The following DNAJC5 variants were observed in gnomAD, a reference collection of about 807,000 sequenced individuals.
The protein encoded by DNAJC5 is dnaJ homolog subfamily C member 5.
Under a neutral mutation model 23.2 loss-of-function variants are expected in DNAJC5, and 1 was observed. That is an observed-to-expected ratio of 0.04 (90% CI 0.02 to 0.20). DNAJC5 has a LOEUF of 0.20. Among genes scored for constraint, DNAJC5 ranks in the 10% least tolerant of loss-of-function variants. The pLI, the probability that DNAJC5 is intolerant of heterozygous loss-of-function variation, is 1.00. For missense variants in DNAJC5, 180 were observed against 267.0 expected (o/e 0.67, Z 2.27); for synonymous variants, 136 against 120.0 (o/e 1.13, Z -0.87).
At chr20:63,921,886 C>G (rs1289779943) in intron 1 of DNAJC5, among the ~76,000 whole-genome samples, 2 of 152,034 alleles carry the variant, frequency 1.3e-5, no homozygotes, top group African/African-American at 4.8e-5. Flanking sequence ...TCAAGCCATC[C>G]TCCTGCCTCA....
chr20:63,915,781 A>G (rs1038605934), intron 1 of DNAJC5, among the ~76,000 whole-genome samples: 2 of 152,206 alleles, frequency 1.3e-5, no homozygotes, highest in Admixed American at 6.5e-5. Flanking sequence ...TTAGGTATAC[A>G]CCAGAAGAAT....
intron 1 of DNAJC5, among the ~76,000 whole-genome samples, chr20:63,910,973 C>G (rs777893963): frequency 1.3e-5 from 2 of 152,102 alleles, no homozygotes; most frequent in Non-Finnish European, 2.9e-5. Flanking sequence ...CCGGCCTGTT[C>G]AATTCTTTGT....
chr20:63,910,692 A>G (rs2053477500), intron 1 of DNAJC5, among the ~76,000 whole-genome samples: 1 of 148,640 alleles, frequency 6.7e-6, no homozygotes. Flanking sequence ...TTTTTAATTG[A>G]GACAGAGTCT....
In DNAJC5 at chr20:63,900,033, C is replaced by T. The variant is rs181020062; in HGVS notation, c.-12+4710C>T. Reference sequence around the variant, plus strand: ...CCTCCTGGGTTGCTGGGATTACAGGCGCCTGCCATGACACCCGGCTAATTT... The same window carrying T: ...CCTCCTGGGTTGCTGGGATTACAGGTGCCTGCCATGACACCCGGCTAATTT... On this transcript the variant is annotated intron_variant, in intron 1 of 4. Transcript: ENST00000360864. 2.2e-4 allele frequency among the ~76,000 whole-genome samples: 34 copies of T among 151,998 alleles called. 2 individuals carry two copies. Among genetic ancestry groups the T allele is most frequent in the Admixed American group, 8.5e-4 (13 of 15,270 alleles).
chr20:63,914,081 G>C (rs913782795), intron 1 of DNAJC5, among the ~76,000 whole-genome samples: 1 of 152,142 alleles, frequency 6.6e-6, no homozygotes, highest in African/African-American at 2.4e-5. Flanking sequence ...AAGCCGGGAC[G>C]CTCACCGTTG....
intron 1 of DNAJC5, among the ~76,000 whole-genome samples, chr20:63,926,136 A>AT (rs1355585437): frequency 6.6e-6 from 1 of 152,040 alleles, no homozygotes; most frequent in African/African-American, 2.4e-5. Context: ...CCTTCTGGGG[A>AT]TTTTTTATTA....
intron 1 of DNAJC5, among the ~76,000 whole-genome samples, chr20:63,899,592 G>GT (rs1216466366): frequency 3.9e-5 from 6 of 152,230 alleles, no homozygotes; most frequent in South Asian, 2.1e-4. Context: ...ATTTTCTTTT[G>GT]TTTTTTTGAG....
intron 1 of DNAJC5, among the ~76,000 whole-genome samples, chr20:63,924,967 C>T (rs1208773257): frequency 1.3e-5 from 2 of 152,210 alleles, no homozygotes; most frequent in Non-Finnish European, 2.9e-5. Context: ...ATACACTGGA[C>T]ATTGAAGGGT....
In DNAJC5 at chr20:63,918,218, G is replaced by A. The variant is rs892705592; in HGVS notation, c.-11-10117G>A. On this transcript the variant is annotated intron_variant, in intron 1 of 4. Transcript: ENST00000360864. Reference sequence around the variant, plus strand: ...GTAGACGAATCTTAGGAACGTAGGCGTTTCAGAAGCAGATCAAGCCAGGCA... The same window carrying A: ...GTAGACGAATCTTAGGAACGTAGGCATTTCAGAAGCAGATCAAGCCAGGCA... 4.6e-5 allele frequency among the ~76,000 whole-genome samples: 7 copies of A among 152,166 alleles called. No homozygotes were observed. In the South Asian group the frequency reaches 8.3e-4, roughly 18 times the overall value.
chr20:63,901,455 G>A (rs1446905641), intron 1 of DNAJC5, among the ~76,000 whole-genome samples: 1 of 152,222 alleles, frequency 6.6e-6, no homozygotes, highest in Non-Finnish European at 1.5e-5. Flanking sequence ...ATGTGTTCTA[G>A]TGAAACTGCA....
Position 63,934,476 on chromosome 20 carries a change from G to A in DNAJC5, c.*2908G>A, listed in dbSNP as rs1480816800. 1 of 152,294 alleles carries A rather than the reference G, an allele frequency of 6.6e-6. No homozygotes were observed. The highest frequency in any genetic ancestry group is 2.4e-5 in the African/African-American group (1 of 41,466). The allele number at this position is 152,294 out of a possible 1,614,324, so 9.4% of individuals were successfully genotyped here. A position where few individuals can be genotyped will look rare whatever the true frequency, so the allele number is the denominator to read the frequency against. On this transcript the variant is annotated 3_prime_UTR_variant, in exon 5 of 5. Transcript: ENST00000360864. ...GGGGCCCTCTGGGGTCGTGCTTTGA[G>A]GCCCGTCCGGTTCACGAGGGGGTCC...
Position 63,908,076 on chromosome 20 carries a change from G to A in DNAJC5, c.-12+12753G>A, listed in dbSNP as rs996129663. Among the ~76,000 whole-genome samples the A allele has an allele frequency of 3.3e-5, 5 of 152,156 alleles. No individual in the cohort carries two copies. The East Asian group carries it at 5.8e-4, about 18-fold the overall frequency. The stretch of plus-strand genomic sequence containing the variant: ...CCACTGCGCCTGGCCCTGAAATTTC[G>A]CATGTTTTACGGTTGGCTTGTTAGG... On this transcript the variant is annotated intron_variant, in intron 1 of 4. Transcript: ENST00000360864.
In DNAJC5 at chr20:63,916,652, A is replaced by G. The variant is rs190886997; in HGVS notation, c.-11-11683A>G. 1.4e-3 allele frequency among the ~76,000 whole-genome samples: 208 copies of G among 152,322 alleles called. 3 individuals carry two copies. Among genetic ancestry groups the G allele is most frequent in the Non-Finnish European group, 1.9e-3 (131 of 68,024 alleles). On this transcript the variant is annotated intron_variant, in intron 1 of 4. Transcript: ENST00000360864. Reference sequence around the variant, plus strand: ...GAACCAGTCTGACCAAAAATTTACCAGGGTGGGGTTTCCCAATCCTAGTAA... The same window carrying G: ...GAACCAGTCTGACCAAAAATTTACCGGGGTGGGGTTTCCCAATCCTAGTAA...
rs1458583850 is a variant in DNAJC5, at chr20:63,928,897, A to T, written c.108-415A>T. On this transcript the variant is annotated intron_variant, in intron 2 of 4. Coordinates refer to ENST00000360864, the MANE Select transcript of DNAJC5 (RefSeq NM_025219.3). This position sits in a 1 kb window ranked among gnomAD's most constrained non-coding sequence, Gnocchi z 4.6. ...CTGTAAGAGACACCATCACTAATCC[A>T]GACAATTCAGATAGTCCTCCTCTCG... 6.6e-6 allele frequency among the ~76,000 whole-genome samples: 1 copy of T among 152,206 alleles called. No individual in the cohort carries two copies. The highest frequency in any genetic ancestry group is 1.5e-5 in the Non-Finnish European group (1 of 68,044).
chr20:63,929,356 C>T lies in DNAJC5; in HGVS notation c.152C>T (p.Pro51Leu). ...CACCCCGACAAGAACCCCGACAACCCGGAGGCCGCGGACAAGTTTAAGGAG... is the reference window on the plus strand; with the variant it reads ...CACCCCGACAAGAACCCCGACAACCTGGAGGCCGCGGACAAGTTTAAGGAG... ...KYHPDKNPDN[P>L]EAADKFKEIN... Residue 51 changes from proline (P) to leucine (L), a missense_variant, in exon 3 of 5, where the codon CCG becomes CTG. Physicochemically the swap from Pro to Leu is moderately conservative, Grantham distance 98. Around this residue, in one of 3 missense-constraint regions of DNAJC5, gnomAD observed 77 missense variants for 106.8 expected, o/e 0.72. Transcript: ENST00000360864. The surrounding 1 kb of genome is among the most constrained non-coding windows in gnomAD (Gnocchi z 8.6). 4.3e-6 allele frequency: 7 copies of T among 1,614,070 alleles called. No individual in the cohort carries two copies. Among genetic ancestry groups the T allele is most frequent in the Middle Eastern group, 3.3e-4 (2 of 6,062 alleles).
At chr20:63,922,823 A>G (rs575336582) in intron 1 of DNAJC5, among the ~76,000 whole-genome samples, 85 of 152,214 alleles carry the variant, frequency 5.6e-4, no homozygotes, top group Admixed American at 1.5e-3. Flanking sequence ...TACCATTTCC[A>G]GTGGTCTTCA....
At chr20:63,926,216 T>C (rs560493805) in intron 1 of DNAJC5, among the ~76,000 whole-genome samples, 13 of 152,382 alleles carry the variant, frequency 8.5e-5, no homozygotes, top group Admixed American at 2.6e-4. Context: ...TGGTAAATTG[T>C]AATTTTCAAG....
At chr20:63,923,897 G>T (rs2053590944) in intron 1 of DNAJC5, among the ~76,000 whole-genome samples, 2 of 152,166 alleles carry the variant, frequency 1.3e-5, no homozygotes, top group Non-Finnish European at 2.9e-5. Context: ...TTTAAAAATG[G>T]AGTTTTTTGC....
chr20:63,903,499 G>T (rs1238188523), intron 1 of DNAJC5, among the ~76,000 whole-genome samples: 3 of 152,038 alleles, frequency 2.0e-5, no homozygotes, highest in Non-Finnish European at 4.4e-5. Flanking sequence ...AGTAGAGACG[G>T]GGTTTCACCA....
Sources: allele counts gnomAD v4.1 joint callset (sites outside exome capture counted in the v4.1 genomes callset), GRCh38; gene constraint gnomAD v4.1.1; regional missense constraint gnomAD v4.1.1; non-coding constraint Gnocchi (gnomAD v3.1); transcripts MANE v1.5; gene names NCBI Gene and HGNC (gene_info 2026-07-23, HGNC 2026-07-21).